Variants in NEK11 observed in about 807,000 individuals in gnomAD.
NEK11 encodes NIMA related kinase 11.
A neutral mutation model predicts 80.7 loss-of-function variants in NEK11; 72 were observed. That is an observed-to-expected ratio of 0.89 (90% CI 0.74 to 1.08). The LOEUF (loss-of-function observed/expected upper bound fraction) is 1.08, where lower values mean the gene tolerates loss of function less well. NEK11 is among the 50% of genes least tolerant of loss of function. The probability of loss-of-function intolerance (pLI) is 0.00; values close to 1 mark genes in which losing one functional copy is unlikely to be tolerated. For synonymous variants in NEK11, 251 were observed against 260.7 expected (o/e 0.96, Z 0.36); for missense variants, 764 against 763.6 (o/e 1.00, Z -0.01).
intron 16 of NEK11, among the ~76,000 whole-genome samples, chr3:131,272,375 C>G (rs926577376): frequency 6.6e-6 from 1 of 150,604 alleles, no homozygotes; most frequent in African/African-American, 2.4e-5. Flanking sequence ...GCTCCCAGTT[C>G]CAGGGAGGAA....
intron 3 of NEK11, among the ~76,000 whole-genome samples, chr3:131,062,291 A>G (rs1380001656): frequency 6.6e-6 from 1 of 152,200 alleles, no homozygotes; most frequent in Non-Finnish European, 1.5e-5. Context: ...TGGAACTCTG[A>G]TCACCAAACA....
chr3:131,148,732 AG>A (rs2088959107), intron 7 of NEK11, among the ~76,000 whole-genome samples: 1 of 108,036 alleles, frequency 9.3e-6, no homozygotes, highest in Non-Finnish European at 1.9e-5. Flanking sequence ...GTACATGTGC[AG>A]GTTTGTTACA....
At chr3:131,269,994 CT>C (rs1435120198) in intron 16 of NEK11, among the ~76,000 whole-genome samples, 6 of 152,210 alleles carry the variant, frequency 3.9e-5, no homozygotes, top group African/African-American at 1.4e-4. Flanking sequence ...CCTCTGCCAC[CT>C]AGCCCTTAAT....
intron 3 of NEK11, among the ~76,000 whole-genome samples, chr3:131,048,948 C>T (rs780116752): frequency 5.3e-5 from 8 of 152,190 alleles, no homozygotes; most frequent in Non-Finnish European, 8.8e-5. Context: ...GACGCTGGCA[C>T]CTGTGTACAG....
intron 4 of NEK11, among the ~76,000 whole-genome samples, chr3:131,090,113 G>A (rs891449772): frequency 6.6e-6 from 1 of 152,026 alleles, no homozygotes; most frequent in African/African-American, 2.4e-5. Context: ...GTTAATACAA[G>A]GATTAATTTT....
intron 14 of NEK11, among the ~76,000 whole-genome samples, chr3:131,211,569 A>C (rs570003393): frequency 6.6e-6 from 1 of 152,168 alleles, no homozygotes; most frequent in African/African-American, 2.4e-5. Context: ...GTGTTTTCCA[A>C]CTTGGTTCCA....
intron 4 of NEK11, among the ~76,000 whole-genome samples, chr3:131,091,503 A>C (rs1343359018): frequency 6.6e-6 from 1 of 152,254 alleles, no homozygotes; most frequent in Non-Finnish European, 1.5e-5. Flanking sequence ...TTGTCAGACC[A>C]ACAATAAATG....
At chr3:131,328,554 A>C (rs983368432) in intron 17 of NEK11, 1 of 152,184 alleles carries the variant, frequency 6.6e-6, no homozygotes, top group Non-Finnish European at 1.5e-5. Context: ...ATATGTAGCC[A>C]TTATTGTAGC....
intron 3 of NEK11, among the ~76,000 whole-genome samples, chr3:131,079,247 A>C (rs1447100613): frequency 5.9e-5 from 9 of 152,332 alleles, no homozygotes; most frequent in Non-Finnish European, 1.3e-4. Context: ...GCAGAAGTTC[A>C]TGGGCATGCC....
chr3:131,210,448 T>C lies in NEK11; in HGVS notation c.1400-18080T>C, dbSNP rs559674318. ...GTGGTGCTGAGAAGAATGTATATTC[T>C]GTTGATTTGGGGTGGAGAGTTCTGT... On this transcript the variant is annotated intron_variant, in intron 14 of 17. Transcript: ENST00000383366. Among the ~76,000 whole-genome samples the C allele has an allele frequency of 8.4e-4, 128 of 152,358 alleles. 1 individual carries two copies. The highest frequency in any genetic ancestry group is 1.2e-3 in the Non-Finnish European group (80 of 68,038).
chr3:131,343,653 C>G (rs1246800269), intron 17 of NEK11, among the ~76,000 whole-genome samples: 1 of 152,200 alleles, frequency 6.6e-6, no homozygotes, highest in Non-Finnish European at 1.5e-5. Context: ...GCCACTTTCA[C>G]TCTTGCATTC....
intron 7 of NEK11, among the ~76,000 whole-genome samples, chr3:131,144,576 G>A (rs369908274): frequency 3.3e-5 from 5 of 152,120 alleles, no homozygotes; most frequent in East Asian, 3.9e-4. Flanking sequence ...GTTACCTACC[G>A]TATGTATTTA....
At chr3:131,228,895 G>T (rs2107798518) in intron 15 of NEK11, among the ~76,000 whole-genome samples, 1 of 152,220 alleles carries the variant, frequency 6.6e-6, no homozygotes, top group East Asian at 1.9e-4. Context: ...GGACCATGTT[G>T]ATGGGGGAAG....
intron 10 of NEK11, among the ~76,000 whole-genome samples, chr3:131,160,082 A>G (rs1229142011): frequency 6.6e-6 from 1 of 152,230 alleles, no homozygotes; most frequent in Non-Finnish European, 1.5e-5. Context: ...AGAGAGCCTC[A>G]GTAAGATACT....
At chr3:131,312,161 GCA>G (rs1342002861) in intron 17 of NEK11, among the ~76,000 whole-genome samples, 1 of 152,226 alleles carries the variant, frequency 6.6e-6, no homozygotes, top group African/African-American at 2.4e-5. Flanking sequence ...GATGTTAGGA[GCA>G]CGGTTCTTTA....
At chr3:131,246,357 G>A (rs1561179402) in intron 16 of NEK11, among the ~76,000 whole-genome samples, 1 of 152,026 alleles carries the variant, frequency 6.6e-6, no homozygotes, top group African/African-American at 2.4e-5. Flanking sequence ...AGGATGTTTG[G>A]TTTTCCATTC....
intron 17 of NEK11, chr3:131,326,104 A>C (rs1401412093): frequency 6.6e-6 from 1 of 151,852 alleles, no homozygotes; most frequent in African/African-American, 2.4e-5. Flanking sequence ...CTAATCTACA[A>C]CTCTCAGTAG....
At chr3:131,158,325 G>A (rs2091038435) in intron 10 of NEK11, among the ~76,000 whole-genome samples, 1 of 152,092 alleles carries the variant, frequency 6.6e-6, no homozygotes, top group African/African-American at 2.4e-5. Context: ...CTATATACAT[G>A]GGCAGATTTT....
intron 14 of NEK11, among the ~76,000 whole-genome samples, chr3:131,201,111 A>G (rs2094209773): frequency 6.6e-6 from 1 of 151,768 alleles, no homozygotes; most frequent in South Asian, 2.1e-4. Flanking sequence ...AAGATATGAA[A>G]GATTCCCTAA....
Sources: allele counts gnomAD v4.1 joint callset (sites outside exome capture counted in the v4.1 genomes callset), GRCh38; gene constraint gnomAD v4.1.1; transcripts MANE v1.5; gene names NCBI Gene and HGNC (gene_info 2026-07-23, HGNC 2026-07-21).